OSBPL1A: variants seen among roughly 807,000 people sequenced by gnomAD.
OSBPL1A encodes oxysterol binding protein like 1A.
In OSBPL1A, 80 loss-of-function variants were observed where a neutral mutation model predicts 137.1. The observed-to-expected ratio is 0.58, with a 90% CI of 0.49 to 0.70. OSBPL1A has a LOEUF of 0.70. OSBPL1A is among the 30% of genes least tolerant of loss of function. OSBPL1A has a pLI of 0.00. For missense variants in OSBPL1A, 970 were observed against 1,129.4 expected (o/e 0.86, Z 2.02); for synonymous variants, 365 against 389.7 (o/e 0.94, Z 0.75).
At chr18:24,377,672 T>A (rs1906291009) in intron 1 of OSBPL1A, 137 bp from the exon 2 acceptor site, 1 of 901,820 alleles carries the variant, frequency 1.1e-6, no homozygotes, top group East Asian at 2.7e-5. Flanking sequence ...ATAAATCCGT[T>A]GCAGGGTGAG....
In OSBPL1A at chr18:24,333,017, C is replaced by G; in HGVS notation, c.550G>C (p.Ala184Pro). The stretch of plus-strand genomic sequence containing the variant: ...GCACATTGTTTATGGGCCCGGTAAG[C>G]TGCACAATGCAAGGGTGTATTTCCT... ...QLGNTPLHCA[A>P]YRAHKQCALK... Residue 184 changes from alanine (A) to proline (P), a missense_variant, in exon 7 of 28, where the codon GCT becomes CCT. By Grantham distance (27) the Ala-to-Pro change is conservative. Coordinates refer to ENST00000319481, the MANE Select transcript of OSBPL1A (RefSeq NM_080597.4). 6.2e-7 allele frequency: 1 copy of G among 1,614,154 alleles called. No homozygotes were observed. The highest frequency in any genetic ancestry group is 8.5e-7 in the Non-Finnish European group (1 of 1,180,022).
intron 4 of OSBPL1A, among the ~76,000 whole-genome samples, chr18:24,364,143 A>G (rs2091669024): frequency 6.6e-6 from 1 of 152,192 alleles, no homozygotes; most frequent in Non-Finnish European, 1.5e-5. Flanking sequence ...TGCCTACCAC[A>G]CAGGCAAATG....
Position 24,321,739 on chromosome 18 carries a change from A to G in OSBPL1A, c.626-2930T>C, listed in dbSNP as rs917271456. The G allele has an allele frequency of 1.0e-5, 5 of 498,022 alleles. 1 individual carries two copies. The highest frequency in any genetic ancestry group is 7.7e-5 in the South Asian group (5 of 64,904). The allele number at this position is 498,022 out of a possible 1,614,324, so 30.9% of individuals were successfully genotyped here. A position where few individuals can be genotyped will look rare whatever the true frequency, so the allele number is the denominator to read the frequency against. On this transcript the variant is annotated intron_variant, in intron 7 of 27. Transcript: ENST00000319481. ...GGAAAAGCTGGGTTGAGAGGGTAAG[A>G]AAAGAAAAACAAATAAATTTTTTAA... is the stretch of plus-strand genomic sequence containing the variant.
intron 17 of OSBPL1A, among the ~76,000 whole-genome samples, chr18:24,220,769 C>T (rs188501999): frequency 6.1e-4 from 93 of 152,126 alleles, no homozygotes; most frequent in Non-Finnish European, 1.0e-3. Context: ...ACGTCTGAGC[C>T]CAGATCATCT....
intron 4 of OSBPL1A, chr18:24,358,640 C>G: frequency 6.2e-6 from 4 of 645,796 alleles, no homozygotes; most frequent in Non-Finnish European, 8.4e-6. Flanking sequence ...GAAATGGTCT[C>G]CTAGGAAATC....
chr18:24,229,670 T>G (rs761406511), intron 16 of OSBPL1A, among the ~76,000 whole-genome samples: 4 of 152,190 alleles, frequency 2.6e-5, no homozygotes, highest in African/African-American at 9.7e-5. Context: ...AGCCTATCCA[T>G]AGAAGTTATT....
At chr18:24,186,973 C>T (rs2086764894) in intron 18 of OSBPL1A, among the ~76,000 whole-genome samples, 1 of 151,386 alleles carries the variant, frequency 6.6e-6, no homozygotes, top group Non-Finnish European at 1.5e-5. Context: ...AACTAACAGC[C>T]TCATACCGCA....
chr18:24,171,350 C>A (rs2086281173), intron 23 of OSBPL1A, 59 bp downstream of exon 23: 2 of 1,331,708 alleles, frequency 1.5e-6, no homozygotes, highest in African/African-American at 2.9e-5. Flanking sequence ...ATTTTAATAC[C>A]GACATTTTAT....
chr18:24,178,694 A>G lies in OSBPL1A; in HGVS notation c.1911-499T>C, dbSNP rs74479117. Among the ~76,000 whole-genome samples the G allele has an allele frequency of 6.3e-4, 96 of 152,362 alleles. 2 individuals carry two copies. In the East Asian group the frequency reaches 0.017, roughly 28 times the overall value. On this transcript the variant is annotated intron_variant, in intron 20 of 27. Transcript: ENST00000319481. ...CAATGTTGTAATGCTAGCTACTTGA[A>G]CAAATTAAAACAAAGAACACCCAGA...
At chr18:24,198,082 C>A (rs1259279410) in intron 17 of OSBPL1A, among the ~76,000 whole-genome samples, 1 of 152,142 alleles carries the variant, frequency 6.6e-6, no homozygotes, top group Non-Finnish European at 1.5e-5. Flanking sequence ...GCTACCGCGC[C>A]CAGCCAAATT....
rs142861562 is a variant in OSBPL1A at position 24,318,405 on chromosome 18, C to G, written c.732+196G>C. The stretch of plus-strand genomic sequence containing the variant: ...GTTGCAGTGAGTATACCACTGCACT[C>G]TAGCCTGGGTGACAGAGCAAGACTC... On this transcript the variant is annotated intron_variant, in intron 9 of 27. Transcript: ENST00000319481. 4.3e-3 allele frequency among the ~76,000 whole-genome samples: 659 copies of G among 151,952 alleles called. 6 individuals are homozygous for G. The highest frequency in any genetic ancestry group is 0.015 in the African/African-American group (636 of 41,410).
intron 1 of OSBPL1A, among the ~76,000 whole-genome samples, chr18:24,381,777 G>A (rs1236218683): frequency 6.6e-6 from 1 of 151,390 alleles, no homozygotes; most frequent in Non-Finnish European, 1.5e-5. Context: ...GGCCAACATG[G>A]CAAAAAAACT....
At chr18:24,266,833 T>C (rs530002213) in intron 15 of OSBPL1A, among the ~76,000 whole-genome samples, 5 of 152,158 alleles carry the variant, frequency 3.3e-5, no homozygotes, top group South Asian at 4.2e-4. Flanking sequence ...CTACGAAATA[T>C]ACAACTAGAA....
At chr18:24,192,947 G>A (rs1325180870) in intron 18 of OSBPL1A, among the ~76,000 whole-genome samples, 2 of 152,150 alleles carry the variant, frequency 1.3e-5, no homozygotes, top group Non-Finnish European at 2.9e-5. Context: ...GCTGTCACCC[G>A]CAGGATGCTT....
intron 18 of OSBPL1A, among the ~76,000 whole-genome samples, chr18:24,182,025 T>C (rs2086619847): frequency 2.6e-5 from 4 of 152,204 alleles, no homozygotes. Flanking sequence ...TAACCACACA[T>C]ACCATTTTTG....
intron 23 of OSBPL1A, chr18:24,170,667 C>T (rs1567916318): frequency 1.4e-5 from 7 of 516,158 alleles, no homozygotes; most frequent in Non-Finnish European, 2.4e-5. Context: ...GTGTACGACT[C>T]ACAGAGTCTC....
chr18:24,228,399 C>T (rs1246761387), intron 16 of OSBPL1A, among the ~76,000 whole-genome samples: 2 of 151,916 alleles, frequency 1.3e-5, no homozygotes, highest in African/African-American at 2.4e-5. Flanking sequence ...TAAGAAAGGT[C>T]GCTAATTACT....
chr18:24,368,501 A>G lies in OSBPL1A; in HGVS notation c.122-129T>C, dbSNP rs1400247064. The G allele has an allele frequency of 1.5e-4, 103 of 676,728 alleles. No homozygotes were observed. In the East Asian group the frequency reaches 2.8e-3, roughly 18 times the overall value. 41.9% of individuals were successfully genotyped at this position (676,728 alleles called of 1,614,324 possible). On this transcript the variant is annotated intron_variant, in intron 2 of 27. Transcript: ENST00000319481. ...GCATTGCTGATAAGTGAGAGGCAAG[A>G]TATGTGACCAAGAAGTGTAATGGGT...
At chr18:24,295,669 T>C (rs970259791) in intron 14 of OSBPL1A, among the ~76,000 whole-genome samples, 2 of 152,212 alleles carry the variant, frequency 1.3e-5, no homozygotes, top group Non-Finnish European at 2.9e-5. Flanking sequence ...GGATAGCCTA[T>C]TTTGGGGAAA....
Sources: gnomAD v4.1 joint callset for allele counts (sites outside exome capture counted in the v4.1 genomes callset) on GRCh38, gnomAD v4.1.1 for gene constraint, MANE v1.5 for transcripts, NCBI Gene and HGNC (gene_info 2026-07-23, HGNC 2026-07-21) for gene names.